ENOX1: variants seen among roughly 807,000 people sequenced by gnomAD.
ENOX1 encodes the protein candidate growth-related and time keeping constitutive hydroquinone (NADH) oxidase.
In ENOX1, 42 loss-of-function variants were observed where a neutral mutation model predicts 82.5. The ratio of observed to expected loss-of-function variants is 0.51; its 90% CI spans 0.40 to 0.66. ENOX1 has a LOEUF of 0.66. Ranked by LOEUF, ENOX1 falls within the 30% of genes least tolerant of loss-of-function variation. ENOX1 has a pLI of 0.00. For missense variants in ENOX1, 608 were observed against 811.6 expected, an observed-to-expected ratio of 0.75 and a Z score of 3.05; for synonymous variants, 271 against 282.2, an observed-to-expected ratio of 0.96 and a Z score of 0.40.
At chr13:43,695,134 C>A (rs1212978743) in intron 1 of ENOX1, among the ~76,000 whole-genome samples, 2 of 152,130 alleles carry the variant, frequency 1.3e-5, no homozygotes, top group African/African-American at 4.8e-5. Flanking sequence ...AGACTTCAAT[C>A]TCCTGCAGTC....
chr13:43,298,788 A>G (rs1000522622), intron 11 of ENOX1, among the ~76,000 whole-genome samples: 2 of 152,126 alleles, frequency 1.3e-5, no homozygotes, highest in Non-Finnish European at 2.9e-5. Context: ...CCAAATTCTC[A>G]TCCCTTGACC....
intron 5 of ENOX1, among the ~76,000 whole-genome samples, chr13:43,400,941 G>A (rs2053461509): frequency 6.6e-6 from 1 of 152,164 alleles, no homozygotes; most frequent in Non-Finnish European, 1.5e-5. Context: ...GATAGACCTG[G>A]TTATCAATTC....
chr13:43,715,105 G>C (rs1222819165), intron 1 of ENOX1, among the ~76,000 whole-genome samples: 1 of 152,068 alleles, frequency 6.6e-6, no homozygotes, highest in Non-Finnish European at 1.5e-5. Flanking sequence ...GGGCAGGCCT[G>C]GTGGTGACAA....
chr13:43,502,143 A>G (rs934214262), intron 2 of ENOX1, among the ~76,000 whole-genome samples: 6 of 151,658 alleles, frequency 4.0e-5, no homozygotes, highest in Admixed American at 4.0e-4. Flanking sequence ...ATACATTATT[A>G]GAAACACAGG....
chr13:43,493,686 G>C (rs1413822201), intron 2 of ENOX1, among the ~76,000 whole-genome samples: 1 of 152,154 alleles, frequency 6.6e-6, no homozygotes, highest in Non-Finnish European at 1.5e-5. Flanking sequence ...CTGGGGGCAG[G>C]CCTATCATTC....
At chr13:43,744,476 C>T (rs982919262) in intron 1 of ENOX1, among the ~76,000 whole-genome samples, 1 of 152,124 alleles carries the variant, frequency 6.6e-6, no homozygotes, top group African/African-American at 2.4e-5. Flanking sequence ...TAAATCTTTC[C>T]TCAGGCCTGG....
chr13:43,734,209 G>T (rs1362961237), intron 1 of ENOX1, among the ~76,000 whole-genome samples: 1 of 8,434 alleles, frequency 1.2e-4, no homozygotes, highest in African/African-American at 1.5e-4. Flanking sequence ...GGTTGTTGTT[G>T]TTGTTGTTGT....
intron 1 of ENOX1, among the ~76,000 whole-genome samples, chr13:43,749,978 C>G (rs539064511): frequency 6.6e-6 from 1 of 152,306 alleles, no homozygotes; most frequent in East Asian, 1.9e-4. Context: ...TAATACACAT[C>G]ACCATCTCCA....
intron 2 of ENOX1, among the ~76,000 whole-genome samples, chr13:43,574,272 G>A (rs1390367): frequency 0.022 from 3,318 of 152,164 alleles, 121 homozygotes; most frequent in African/African-American, 0.075. Context: ...AAGAGGCCAC[G>A]CGAAGGACTT....
At chr13:43,670,517 G>A (rs1429251521) in intron 1 of ENOX1, among the ~76,000 whole-genome samples, 2 of 151,984 alleles carry the variant, frequency 1.3e-5, no homozygotes, top group East Asian at 3.9e-4. Context: ...ACAATCACTG[G>A]CCAATCAACA....
chr13:43,373,241 T>C (rs1035510193), intron 5 of ENOX1, among the ~76,000 whole-genome samples: 57 of 152,238 alleles, frequency 3.7e-4, no homozygotes, highest in Admixed American at 3.9e-4. Flanking sequence ...CTAACTTCTT[T>C]GGGTGGAAAC....
At chr13:43,322,348 G>T in intron 11 of ENOX1, 36 bp downstream of exon 11, 4 of 1,515,120 alleles carry the variant, frequency 2.6e-6, no homozygotes, top group Non-Finnish European at 3.7e-6. Flanking sequence ...AGATCATTAT[G>T]ATACCTCATG....
In ENOX1 at chr13:43,595,814, T is replaced by C. The variant is rs530240209; in HGVS notation, c.-219+71665A>G. ...AAAGCAATCAACTTCAGGAGCTACT[T>C]GCAAATTAGTGTCTGTTCTTTTCTT... On this transcript the variant is annotated intron_variant, in intron 2 of 16. Transcript: ENST00000690772. Among the ~76,000 whole-genome samples, 5 of 152,338 alleles carry C rather than the reference T, an allele frequency of 3.3e-5. No homozygotes were observed. The East Asian group carries it at 9.6e-4, about 29-fold the overall frequency.
chr13:43,508,151 G>C lies in ENOX1; in HGVS notation c.-218-23999C>G, dbSNP rs144558286. On this transcript the variant is annotated intron_variant, in intron 2 of 16. Coordinates refer to ENST00000690772, the MANE Select transcript of ENOX1 (RefSeq NM_001347969.2). Reference sequence around the variant, plus strand: ...ATTGTGCTGTTATTAAGAGGTGGATGGAAGCTTTGGGGAAGTGACAAAGTC... The same window carrying C: ...ATTGTGCTGTTATTAAGAGGTGGATCGAAGCTTTGGGGAAGTGACAAAGTC... Among the ~76,000 whole-genome samples, 1,354 of 152,116 alleles carry C rather than the reference G, an allele frequency of 8.9e-3. 8 individuals are homozygous for C. Among genetic ancestry groups the C allele is most frequent in the Non-Finnish European group, 0.015 (1,011 of 67,952 alleles).
chr13:43,246,821 A>C (rs2043106575), intron 14 of ENOX1, among the ~76,000 whole-genome samples: 1 of 152,192 alleles, frequency 6.6e-6, no homozygotes, highest in Non-Finnish European at 1.5e-5. Context: ...TGTGGCAATA[A>C]GGTGGAACCA....
intron 9 of ENOX1, among the ~76,000 whole-genome samples, chr13:43,341,839 T>C (rs1007950101): frequency 6.6e-6 from 1 of 152,206 alleles, no homozygotes; most frequent in African/African-American, 2.4e-5. Flanking sequence ...TCTCGCATTC[T>C]TTGTAGTTAG....
At chr13:43,360,157 T>C in intron 6 of ENOX1, 100 bp from the exon 7 acceptor site, 2 of 1,046,652 alleles carry the variant, frequency 1.9e-6, no homozygotes, top group South Asian at 3.0e-5. Context: ...TTCTCCAGAC[T>C]GAGTGACGGT....
At chr13:43,590,500 T>C (rs1212384161) in intron 2 of ENOX1, among the ~76,000 whole-genome samples, 2 of 151,794 alleles carry the variant, frequency 1.3e-5, no homozygotes, top group South Asian at 2.1e-4. Flanking sequence ...ATGGGCCGGG[T>C]GTGGTGGCTC....
At chr13:43,278,268 TAC>T (rs1566404541) in intron 12 of ENOX1, among the ~76,000 whole-genome samples, 1 of 152,244 alleles carries the variant, frequency 6.6e-6, no homozygotes, top group Non-Finnish European at 1.5e-5. Flanking sequence ...TCTAGCTTTA[TAC>T]AGTCTGCCCC....
Sources: allele counts gnomAD v4.1 joint callset (sites outside exome capture counted in the v4.1 genomes callset), GRCh38; gene constraint gnomAD v4.1.1; transcripts MANE v1.5; gene names NCBI Gene and HGNC (gene_info 2026-07-23, HGNC 2026-07-21).